The following CUZD1 variants were observed in gnomAD, a reference collection of about 807,000 sequenced individuals.
CUZD1 encodes the protein CUB and zona pellucida like domains 1.
In CUZD1, 42 loss-of-function variants were observed where a neutral mutation model predicts 53.1. The observed-to-expected ratio is 0.79, with a 90% CI of 0.62 to 1.02. The LOEUF is 1.02. CUZD1 is among the 50% of genes least tolerant of loss of function. The probability of loss-of-function intolerance (pLI) is 0.00; values close to 1 mark genes in which losing one functional copy is unlikely to be tolerated. For missense variants in CUZD1, 670 were observed against 715.7 expected (o/e 0.94, Z 0.73); for synonymous variants, 238 against 257.2 (o/e 0.93, Z 0.71).
At chr10:122,845,076 CT>C (rs34468840) in intron 1 of CUZD1, among the ~76,000 whole-genome samples, 73,098 of 141,850 alleles carry the variant, frequency 0.52, 18,228 homozygotes, top group Non-Finnish European at 0.54. Flanking sequence ...AGATCAGAGT[CT>C]TTTTTTTTTT....
chr10:122,836,105 G>A lies in CUZD1; in HGVS notation c.990+73C>T. ...GGTCGTTTGTTACAGCAGCTAGCAA[G>A]CATTACCCTGACTGCATTGCTCAAC... is the stretch of plus-strand genomic sequence containing the variant. On this transcript the variant is annotated intron_variant, in intron 6 of 8. Coordinates refer to ENST00000392790, the MANE Select transcript of CUZD1 (RefSeq NM_022034.6). The A allele has an allele frequency of 8.0e-6, 11 of 1,380,172 alleles. No homozygotes were observed. In the Admixed American group the frequency reaches 9.7e-5, roughly 12 times the overall value. The allele number at this position is 1,380,172 out of a possible 1,614,324, so 85.5% of individuals were successfully genotyped here.
intron 1 of CUZD1, among the ~76,000 whole-genome samples, chr10:122,843,164 T>C (rs1403174056): frequency 6.6e-6 from 1 of 152,200 alleles, no homozygotes; most frequent in Non-Finnish European, 1.5e-5. Flanking sequence ...TATACTATAT[T>C]CATCGCAACA....
At chr10:122,834,023 T>C (rs1591709088) in intron 7 of CUZD1, 83 bp from the exon 8 acceptor site, 2 of 1,232,500 alleles carry the variant, frequency 1.6e-6, no homozygotes, top group Non-Finnish European at 1.1e-6. Context: ...CTCAACTAAG[T>C]TGTGAATCCA....
rs775871596 is a variant in CUZD1 at position 122,832,283 on chromosome 10, A to C, written c.1819T>G (p.Tyr607Asp). Residue 607 changes from tyrosine to aspartate, a missense_variant, in exon 9 of 9, where the codon TAT becomes GAT. Coordinates refer to ENST00000392790, the MANE Select transcript of CUZD1 (RefSeq NM_022034.6). Reference protein sequence around the residue: ...ADYKYQKLQNY With the variant: ...ADYKYQKLQND ...CTTAGGGTTGGACCTGTTAGTTAAT[A>C]GTTCTGCAGCTTCTGGTATTTGTAG... 6.2e-7 allele frequency: 1 copy of C among 1,613,912 alleles called. No homozygotes were observed. The highest frequency in any genetic ancestry group is 2.2e-5 in the East Asian group (1 of 44,866).
chr10:122,843,625 C>A (rs551797786), intron 1 of CUZD1, among the ~76,000 whole-genome samples: 1 of 151,852 alleles, frequency 6.6e-6, no homozygotes, highest in Non-Finnish European at 1.5e-5. Flanking sequence ...TACATACGAA[C>A]CTTGAAAATA....
rs556901701 is a variant in CUZD1, at chr10:122,832,579, C to T, written c.1652-129G>A. On this transcript the variant is annotated intron_variant, in intron 8 of 8. Coordinates refer to ENST00000392790, the MANE Select transcript of CUZD1 (RefSeq NM_022034.6). The stretch of plus-strand genomic sequence containing the variant: ...TGAATTAATGTATAATGCATAATGC[C>T]AACACAATATAGAGGAACCATTATC... The T allele has an allele frequency of 6.8e-4, 380 of 556,930 alleles. 1 individual carries two copies. The highest frequency in any genetic ancestry group is 1.2e-3 in the Middle Eastern group (3 of 2,598). 34.5% of individuals were successfully genotyped at this position (556,930 alleles called of 1,614,324 possible).
chr10:122,841,891 A>G (rs1240098469), intron 1 of CUZD1, among the ~76,000 whole-genome samples: 2 of 151,964 alleles, frequency 1.3e-5, no homozygotes, highest in African/African-American at 2.4e-5. Flanking sequence ...ACATCATTTC[A>G]TGTTCTTATT....
Position 122,834,721 on chromosome 10 carries a change from T to A in CUZD1, c.1367A>T (p.Asp456Val). 3.7e-6 allele frequency: 6 copies of A among 1,606,584 alleles called. No homozygotes were observed. The highest frequency in any genetic ancestry group is 5.1e-6 in the Non-Finnish European group (6 of 1,175,576). ...PTSDFASPTY[D>V]LIKSGCSRDE... The stretch of plus-strand genomic sequence containing the variant: ...TAATACATACCCACTCTTGATTAGG[T>A]CGTAGGTTGGAGATGCAAAGTCAGA... Residue 456 changes from aspartate (D) to valine (V), a missense_variant, in exon 7 of 9, where the codon GAC becomes GTC. Transcript: ENST00000392790.
chr10:122,839,277 G>C (rs761100887), intron 2 of CUZD1, 46 bp from the exon 3 acceptor site: 1 of 1,567,706 alleles, frequency 6.4e-7, no homozygotes, highest in Middle Eastern at 1.7e-4. Flanking sequence ...CACAAGCAAA[G>C]GGGGTTTGCA....
intron 2 of CUZD1, 23 bp downstream of exon 2, chr10:122,841,155 A>G: frequency 6.3e-7 from 1 of 1,599,246 alleles, no homozygotes; most frequent in Admixed American, 1.7e-5. Context: ...ATCCCTTATT[A>G]GGAAACTAAA....
In CUZD1 at chr10:122,833,686, G is replaced by T. The variant is rs145074717; in HGVS notation, c.1637C>A (p.Ala546Glu). The T allele has an allele frequency of 3.2e-5, 51 of 1,613,036 alleles. No homozygotes were observed. In the African/African-American group the frequency reaches 5.3e-4, roughly 17 times the overall value. The change falls in exon 8 of 9, where the codon GCA becomes GAA. Residue 546 changes from alanine to glutamate, a missense_variant. By Grantham distance (107) the Ala-to-Glu change is moderately radical (BLOSUM62 -1). Coordinates refer to ENST00000392790, the MANE Select transcript of CUZD1 (RefSeq NM_022034.6). ...TTTTTTCTTACCTGAATTGCCACTTGCACTTCGATCCCTTTTCAGACGAAT... is the reference window on the plus strand; with the variant it reads ...TTTTTTCTTACCTGAATTGCCACTTTCACTTCGATCCCTTTTCAGACGAAT... The part of the protein sequence containing the change: ...GPIRLKRDRS[A>E]SGNSGFQHET...
chr10:122,841,483 G>T (rs775196394), intron 1 of CUZD1, among the ~76,000 whole-genome samples, 155 bp from the exon 2 acceptor site: 1 of 152,172 alleles, frequency 6.6e-6, no homozygotes, highest in Non-Finnish European at 1.5e-5. Flanking sequence ...AAAAGCAGTT[G>T]ATTTCTCCGT....
chr10:122,834,019 T>TAA, intron 7 of CUZD1, 79 bp from the exon 8 acceptor site: 1 of 1,324,992 alleles, frequency 7.5e-7, no homozygotes, highest in Non-Finnish European at 1.0e-6. Context: ...TTCTCTCAAC[T>TAA]AAGTTGTGAA....
chr10:122,842,810 T>C (rs1304257194), intron 1 of CUZD1, among the ~76,000 whole-genome samples: 2 of 152,314 alleles, frequency 1.3e-5, no homozygotes, highest in South Asian at 2.1e-4. Flanking sequence ...AGAACCAGAA[T>C]AGACATTTTT....
At chr10:122,836,484 TGA>T (rs2133813646) in intron 5 of CUZD1, 134 bp from the exon 6 acceptor site, 1 of 758,802 alleles carries the variant, frequency 1.3e-6, no homozygotes, top group African/African-American at 1.8e-5. Flanking sequence ...ATCATAAATT[TGA>T]GATAGCCAAG....
chr10:122,845,749 TC>T lies in CUZD1; in HGVS notation c.82+12del. On this transcript the variant is annotated intron_variant, in intron 1 of 8. Coordinates refer to ENST00000392790, the MANE Select transcript of CUZD1 (RefSeq NM_022034.6). ...CTCTGTTTTGGTGAATAAATCTGGT[TC>T]AATTTTCTTACCTTCAGCCTCCGCC... 6.2e-7 allele frequency: 1 copy of T among 1,611,852 alleles called. No homozygotes were observed. Among genetic ancestry groups the T allele is most frequent in the South Asian group, 1.1e-5 (1 of 90,362 alleles).
rs1847339568 is a variant in CUZD1, at chr10:122,841,188, A to G, written c.223T>C (p.Ser75Pro). ...PENKSIRIIF[S>P]YVQLDPDGSC... ...AAAGCTTCTACTTACTGGACATAGG[A>G]AAAGATAATTCTGATGCTTTTGTTT... The change falls in exon 2 of 9, where the codon TCC becomes CCC. Residue 75 changes from serine to proline, a missense_variant. Physicochemically the swap from Ser to Pro is moderately conservative, Grantham distance 74. Transcript: ENST00000392790. The G allele has an allele frequency of 6.2e-7, 1 of 1,612,946 alleles. No individual in the cohort carries two copies. Among genetic ancestry groups the G allele is most frequent in the African/African-American group, 1.3e-5 (1 of 74,956 alleles).
In CUZD1 at chr10:122,839,077, C is replaced by G. The variant is rs762055108; in HGVS notation, c.388G>C (p.Asp130His). The change falls in exon 3 of 9, where the codon GAC becomes CAC. Residue 130 changes from aspartate (D) to histidine (H), a missense_variant. Physicochemically the swap from Asp to His is moderately conservative, Grantham distance 81 (BLOSUM62 -1). Coordinates refer to ENST00000392790, the MANE Select transcript of CUZD1 (RefSeq NM_022034.6). Reference sequence around the variant, plus strand: ...ACAGTTCTTTGAATTCTTGCTGAGTCAGTAACTATTTGAAACGTCAATGTA... The same window carrying G: ...ACAGTTCTTTGAATTCTTGCTGAGTGAGTAACTATTTGAAACGTCAATGTA... ...SSTLTFQIVT[D>H]SARIQRTVFV... 6.2e-7 allele frequency: 1 copy of G among 1,614,092 alleles called. No individual in the cohort carries two copies. The highest frequency in any genetic ancestry group is 8.5e-7 in the Non-Finnish European group (1 of 1,179,980).
intron 2 of CUZD1, among the ~76,000 whole-genome samples, chr10:122,840,934 CTTG>C (rs1482048155): frequency 6.6e-6 from 1 of 152,132 alleles, no homozygotes; most frequent in Non-Finnish European, 1.5e-5. Flanking sequence ...AGTTCTCAAC[CTTG>C]TTGTGTTTGT....
Sources: gnomAD v4.1 joint callset for allele counts (sites outside exome capture counted in the v4.1 genomes callset) on GRCh38, gnomAD v4.1.1 for gene constraint, MANE v1.5 for transcripts, NCBI Gene and HGNC (gene_info 2026-07-23, HGNC 2026-07-21) for gene names.